SH3GL1: variants seen among roughly 807,000 people sequenced by gnomAD.
The protein encoded by SH3GL1 is endophilin-A2.
SH3GL1 carries 21 observed loss-of-function variants against 48.8 expected under a neutral mutation model. That is an observed-to-expected ratio of 0.43 (90% CI 0.30 to 0.62). The LOEUF (loss-of-function observed/expected upper bound fraction) is 0.62, where lower values mean the gene tolerates loss of function less well. Ranked by LOEUF, SH3GL1 falls within the 20% of genes least tolerant of loss-of-function variation. The pLI, the probability that SH3GL1 is intolerant of heterozygous loss-of-function variation, is 0.11. For missense variants in SH3GL1, 454 were observed against 503.0 expected (o/e 0.90, Z 0.93); for synonymous variants, 282 against 217.5 (o/e 1.30, Z -2.61).
chr19:4,375,816 G>A (rs1972997059), intron 1 of SH3GL1, among the ~76,000 whole-genome samples: 3 of 152,218 alleles, frequency 2.0e-5, no homozygotes. Context: ...TAAATCCCCT[G>A]AGGCTCCGCC....
chr19:4,381,785 C>T (rs1233582616), intron 1 of SH3GL1, among the ~76,000 whole-genome samples: 1 of 147,524 alleles, frequency 6.8e-6, no homozygotes. Context: ...CTCCACCTCC[C>T]GGGTTCACAA....
chr19:4,392,974 C>T (rs1175203771), intron 1 of SH3GL1, among the ~76,000 whole-genome samples: 1 of 152,064 alleles, frequency 6.6e-6, no homozygotes, highest in Non-Finnish European at 1.5e-5. Context: ...AAAATCATAA[C>T]AACCCGGGCG....
Position 4,400,486 on chromosome 19 carries a change from C to G in SH3GL1, c.-118G>C. 2.2e-6 allele frequency: 2 copies of G among 899,654 alleles called. No individual in the cohort carries two copies. The allele number at this position is 899,654 out of a possible 1,614,324, so 55.7% of individuals were successfully genotyped here. On this transcript the variant is annotated 5_prime_UTR_variant, in exon 1 of 10. Transcript: ENST00000269886. This position sits in a 1 kb window ranked among gnomAD's most constrained non-coding sequence, Gnocchi z 4.1. ...CGGCGCCGCCTCCGCCACCCGCTTG[C>G]CAGCTCCGCGCCCGCCCCGGCGCCG...
intron 1 of SH3GL1, among the ~76,000 whole-genome samples, chr19:4,381,187 CCT>C (rs368204087): frequency 4.4e-5 from 6 of 135,266 alleles, no homozygotes; most frequent in African/African-American, 1.4e-4. Context: ...TGTCCCCCTG[CCT>C]CTCTCTCCCA....
chr19:4,362,453 C>G, intron 8 of SH3GL1, 68 bp from the exon 9 acceptor site: 1 of 1,572,744 alleles, frequency 6.4e-7, no homozygotes, highest in Admixed American at 1.8e-5. Flanking sequence ...CTGCAGAAGG[C>G]TGGGGCCAGC....
Position 4,389,576 on chromosome 19 carries a change from C to A in SH3GL1, c.45+10748G>T, listed in dbSNP as rs540422674. 6.6e-6 allele frequency among the ~76,000 whole-genome samples: 1 copy of A among 152,158 alleles called. No homozygotes were observed. The highest frequency in any genetic ancestry group is 1.5e-5 in the Non-Finnish European group (1 of 68,022). ...AGGGGCTCCAGAAGCTCCCGAAATT[C>A]GGCTGAGAGCTTGAACTGTACCCTG... is the stretch of plus-strand genomic sequence containing the variant. On this transcript the variant is annotated intron_variant, in intron 1 of 9. Transcript: ENST00000269886. The surrounding 1 kb of genome is among the most constrained non-coding windows in gnomAD (Gnocchi z 4.5).
chr19:4,369,102 C>G (rs1294956165), intron 1 of SH3GL1, among the ~76,000 whole-genome samples: 1 of 152,062 alleles, frequency 6.6e-6, no homozygotes, highest in Non-Finnish European at 1.5e-5. Flanking sequence ...AAAAAATCAC[C>G]TCGTCACACC....
chr19:4,393,770 A>G (rs1372061641), intron 1 of SH3GL1, among the ~76,000 whole-genome samples: 1 of 152,124 alleles, frequency 6.6e-6, no homozygotes, highest in Non-Finnish European at 1.5e-5. Context: ...AGCCTGGGCG[A>G]CAGAGCTAGA....
intron 1 of SH3GL1, among the ~76,000 whole-genome samples, chr19:4,384,780 G>C (rs1973204628): frequency 6.6e-6 from 1 of 152,236 alleles, no homozygotes; most frequent in Non-Finnish European, 1.5e-5. Flanking sequence ...GTGTGTCAGT[G>C]TGAACGGTAC....
chr19:4,363,480 G>A lies in SH3GL1; in HGVS notation c.625-7C>T, dbSNP rs111805435. 0.022 allele frequency: 35,437 copies of A among 1,609,152 alleles called. 466 individuals carry two copies. Among genetic ancestry groups the A allele is most frequent in the African/African-American group, 0.025 (1,909 of 74,934 alleles). ...GCTGACTCACCTGCTCGATCTGTGG[G>A]GACAGTAGGGCTCAGGGGCTCCTGC... is the stretch of plus-strand genomic sequence containing the variant. On this transcript the variant is annotated splice_region_variant and splice_polypyrimidine_tract_variant and intron_variant, in intron 6 of 9. Coordinates refer to ENST00000269886, the MANE Select transcript of SH3GL1 (RefSeq NM_003025.4).
chr19:4,360,528 G>A lies in SH3GL1; in HGVS notation c.*1072C>T, dbSNP rs1972576584. ...GGCAGAGCAGAGCCTGGGGTCCGGA[G>A]GCTTCACTGGACCACAGGGGGAGGG... On this transcript the variant is annotated 3_prime_UTR_variant, in exon 10 of 10. Coordinates refer to ENST00000269886, the MANE Select transcript of SH3GL1 (RefSeq NM_003025.4). 4.3e-6 allele frequency: 1 copy of A among 233,918 alleles called. No homozygotes were observed. The allele number at this position is 233,918 out of a possible 1,614,324, so 14.5% of individuals were successfully genotyped here.
chr19:4,365,153 G>C (rs983061064), intron 4 of SH3GL1, among the ~76,000 whole-genome samples: 12 of 152,056 alleles, frequency 7.9e-5, no homozygotes, highest in African/African-American at 2.9e-4. Flanking sequence ...AATCGATGCT[G>C]GACGTTAAAC....
chr19:4,371,156 T>A (rs1333136855), intron 1 of SH3GL1, among the ~76,000 whole-genome samples: 1 of 152,242 alleles, frequency 6.6e-6, no homozygotes, highest in Non-Finnish European at 1.5e-5. Context: ...AGCCTGGCAT[T>A]CATTAGAGTT....
chr19:4,378,247 C>A (rs182002377), intron 1 of SH3GL1, among the ~76,000 whole-genome samples: 3 of 152,246 alleles, frequency 2.0e-5, no homozygotes, highest in Admixed American at 2.0e-4. Flanking sequence ...AAAGGTGTGC[C>A]GTAACGCCAC....
intron 1 of SH3GL1, among the ~76,000 whole-genome samples, chr19:4,369,452 A>G (rs1972852366): frequency 6.6e-6 from 1 of 152,194 alleles, no homozygotes; most frequent in South Asian, 2.1e-4. Flanking sequence ...CGACCTGCCC[A>G]GGCAGGACCC....
At position 4,361,401 on chromosome 19, in the gene SH3GL1, C is replaced by G. The variant is rs1972606591; in HGVS notation, c.*199G>C. 1.7e-6 allele frequency: 1 copy of G among 587,646 alleles called. No individual in the cohort carries two copies. Among genetic ancestry groups the G allele is most frequent in the Non-Finnish European group, 3.0e-6 (1 of 330,120 alleles). The allele number at this position is 587,646 out of a possible 1,614,324, so 36.4% of individuals were successfully genotyped here. A position where few individuals can be genotyped will look rare whatever the true frequency, so the allele number is the denominator to read the frequency against. On this transcript the variant is annotated 3_prime_UTR_variant, in exon 10 of 10. Coordinates refer to ENST00000269886, the MANE Select transcript of SH3GL1 (RefSeq NM_003025.4). ...CGTTGGGAGTCAGCGCTAGTGTAAA[C>G]AGGCATCCCCACCCACCCAGATAAG... is the stretch of plus-strand genomic sequence containing the variant.
At chr19:4,374,900 T>G (rs1372982025) in intron 1 of SH3GL1, among the ~76,000 whole-genome samples, 1 of 151,956 alleles carries the variant, frequency 6.6e-6, no homozygotes, top group South Asian at 2.1e-4. Flanking sequence ...TGCCCAATGG[T>G]GGGGGCTCCC....
At chr19:4,388,941 A>C (rs1319907023) in intron 1 of SH3GL1, among the ~76,000 whole-genome samples, 1 of 152,106 alleles carries the variant, frequency 6.6e-6, no homozygotes, top group Admixed American at 6.5e-5. Context: ...ATTTTTTCAG[A>C]GCAGTCGGAC....
In SH3GL1 at chr19:4,362,634, G is replaced by A. The variant is rs375204123; in HGVS notation, c.831C>T (p.Cys277=). 12 of 1,613,654 alleles carry A rather than the reference G, an allele frequency of 7.4e-6. No individual in the cohort carries two copies. In the East Asian group the frequency reaches 2.0e-4, roughly 27 times the overall value. Residue 277 remains cysteine, a synonymous_variant, in exon 8 of 10, where the codon TGC becomes TGT. Transcript: ENST00000269886. The part of the protein sequence containing the change: ...EPEQSNGGFP[C]TTAPKIAASS... ...TACCTGCGATCTTGGGGGCTGTGGT[G>A]CAGGGGAAGCCCCCGTTGGACTGCT... is the stretch of plus-strand genomic sequence containing the variant.
Sources: gnomAD v4.1 joint callset for allele counts (sites outside exome capture counted in the v4.1 genomes callset) on GRCh38, gnomAD v4.1.1 for gene constraint, Gnocchi (gnomAD v3.1) non-coding constraint, MANE v1.5 for transcripts, NCBI Gene and HGNC (gene_info 2026-07-23, HGNC 2026-07-21) for gene names.